LRCH2: variants seen among roughly 807,000 people sequenced by gnomAD.
LRCH2 encodes leucine-rich repeat and calponin homology domain-containing protein 2.
LRCH2 carries 38 observed loss-of-function variants against 68.9 expected under a neutral mutation model. The observed-to-expected ratio is 0.55, with a 90% CI of 0.43 to 0.72. The LOEUF (loss-of-function observed/expected upper bound fraction) is 0.72. Ranked by LOEUF, LRCH2 falls within the 30% of genes least tolerant of loss-of-function variation. LRCH2 has a pLI of 0.00. For synonymous variants in LRCH2, 191 were observed against 208.1 expected (o/e 0.92, Z 0.71); for missense variants, 528 against 572.9 (o/e 0.92, Z 0.80).
chrX:115,141,581 C>T (rs1467662074), intron 14 of LRCH2, among the ~76,000 whole-genome samples: 2 of 110,776 alleles, frequency 1.8e-5, no homozygotes, highest in African/African-American at 6.6e-5. Context: ...TTCCCCTAAG[C>T]AGTTCCCAGC....
intron 20 of LRCH2, among the ~76,000 whole-genome samples, chrX:115,121,481 G>A (rs1020312933): frequency 8.1e-5 from 9 of 110,606 alleles, no homozygotes; most frequent in Admixed American, 2.9e-4. Flanking sequence ...GTGAAACTCC[G>A]TCTCTATTAA....
intron 3 of LRCH2, among the ~76,000 whole-genome samples, chrX:115,180,108 T>C (rs1556551979): frequency 1.8e-5 from 2 of 111,531 alleles, no homozygotes; most frequent in African/African-American, 3.3e-5. Flanking sequence ...CTCTCAAACA[T>C]TGTGTAATCT....
chrX:115,185,357 T>C (rs1238715693), intron 2 of LRCH2, among the ~76,000 whole-genome samples: 1 of 111,814 alleles, frequency 8.9e-6, no homozygotes, highest in Non-Finnish European at 1.9e-5. Flanking sequence ...AGCTGTTAAA[T>C]GGGAGAGGCA....
intron 11 of LRCH2, among the ~76,000 whole-genome samples, chrX:115,158,737 T>A (rs1163276864): frequency 6.2e-5 from 7 of 112,023 alleles, no homozygotes; most frequent in Non-Finnish European, 1.1e-4. Context: ...CAGCGTAAGT[T>A]AGCAGGAACA....
rs782319087 is a variant in LRCH2, at chrX:115,189,745, G to A, written c.350-1375C>T. On this transcript the variant is annotated intron_variant, in intron 1 of 20. Coordinates refer to ENST00000317135, the MANE Select transcript of LRCH2 (RefSeq NM_020871.4). Reference sequence around the variant, plus strand: ...ATGGGTCCCGCCAACCCCCGGCAGCGGCAGTCGCTCAAGGTTCTCACACAG... The same window carrying A: ...ATGGGTCCCGCCAACCCCCGGCAGCAGCAGTCGCTCAAGGTTCTCACACAG... 286 of 1,165,719 alleles carry A rather than the reference G, an allele frequency of 2.5e-4. 1 individual carries two copies. Among genetic ancestry groups the A allele is most frequent in the Middle Eastern group, 4.6e-4 (2 of 4,304 alleles).
At chrX:115,213,662 T>C (rs2073022817) in intron 1 of LRCH2, among the ~76,000 whole-genome samples, 1 of 111,953 alleles carries the variant, frequency 8.9e-6, no homozygotes, top group Admixed American at 9.5e-5. Flanking sequence ...CTACTAAAAT[T>C]GTAGTTTCTA....
At chrX:115,167,240 A>C (rs2072570169) in intron 6 of LRCH2, among the ~76,000 whole-genome samples, 2 of 105,877 alleles carry the variant, frequency 1.9e-5, no homozygotes, top group South Asian at 8.3e-4. Context: ...AACAAAAAAA[A>C]ACTTTTTTTT....
At chrX:115,181,178 C>G (rs782713465) in intron 3 of LRCH2, among the ~76,000 whole-genome samples, 2 of 111,305 alleles carry the variant, frequency 1.8e-5, no homozygotes, top group East Asian at 5.7e-4. Flanking sequence ...AGCAAGGAAT[C>G]CAGTGTAACT....
At chrX:115,210,864 T>TA (rs1229819492) in intron 1 of LRCH2, among the ~76,000 whole-genome samples, 18 of 111,997 alleles carry the variant, frequency 1.6e-4, no homozygotes, top group Admixed American at 1.5e-3. Flanking sequence ...TCTGGAGCTT[T>TA]AAGATTTGAC....
At chrX:115,149,980 G>T (rs893074671) in intron 13 of LRCH2, 37 bp from the exon 14 acceptor site, 2 of 1,147,981 alleles carry the variant, frequency 1.7e-6, no homozygotes, top group Non-Finnish European at 2.3e-6. Flanking sequence ...AAATAAAAGA[G>T]AACAAAATGA....
At chrX:115,225,732 A>T (rs1208485755) in intron 1 of LRCH2, among the ~76,000 whole-genome samples, 2 of 111,572 alleles carry the variant, frequency 1.8e-5, no homozygotes, top group Admixed American at 1.9e-4. Flanking sequence ...AAACCCATAG[A>T]ATTCTATTTT....
rs5946293 is a variant in LRCH2 at position 115,184,315 on chromosome X, T to A, written c.621+96A>T. On this transcript the variant is annotated intron_variant, in intron 3 of 20. Coordinates refer to ENST00000317135, the MANE Select transcript of LRCH2 (RefSeq NM_020871.4). ...ACATATACCAAGTTAGTACTTTTTT[T>A]AAAAATTACAATTAAATTCCATTAA... 191 of 742,778 alleles carry A rather than the reference T, an allele frequency of 2.6e-4. 1 individual carries two copies. The highest frequency in any genetic ancestry group is 1.2e-3 in the South Asian group (27 of 21,616). The allele number at this position is 742,778 out of a possible 1,213,427, so 61.2% of individuals were successfully genotyped here.
intron 3 of LRCH2, among the ~76,000 whole-genome samples, chrX:115,181,617 T>A (rs2072692184): frequency 8.9e-6 from 1 of 112,015 alleles, no homozygotes; most frequent in Non-Finnish European, 1.9e-5. Flanking sequence ...CAGTTGATTA[T>A]CACATGATGT....
At chrX:115,181,095 G>C (rs781853367) in intron 3 of LRCH2, among the ~76,000 whole-genome samples, 1 of 111,262 alleles carries the variant, frequency 9.0e-6, no homozygotes, top group Non-Finnish European at 1.9e-5. Context: ...ATATAAGAAA[G>C]GAATATTCCA....
At chrX:115,212,904 T>C (rs903522575) in intron 1 of LRCH2, among the ~76,000 whole-genome samples, 2 of 108,667 alleles carry the variant, frequency 1.8e-5, no homozygotes, top group Non-Finnish European at 3.8e-5. Flanking sequence ...CCTGGGGAGG[T>C]TGAGGCTGTG....
At chrX:115,131,299 C>T (rs2072243087) in intron 14 of LRCH2, among the ~76,000 whole-genome samples, 1 of 105,057 alleles carries the variant, frequency 9.5e-6, no homozygotes, top group African/African-American at 3.5e-5. Flanking sequence ...TGTTCCCCAC[C>T]CTGTGTCCAA....
At chrX:115,157,819 G>A (rs1483410986) in intron 11 of LRCH2, among the ~76,000 whole-genome samples, 1 of 109,616 alleles carries the variant, frequency 9.1e-6, no homozygotes, top group Non-Finnish European at 1.9e-5. Context: ...ATTATTGCAG[G>A]GGAGGGGACT....
chrX:115,125,148 T>C (rs781982009), intron 16 of LRCH2, among the ~76,000 whole-genome samples: 2 of 109,191 alleles, frequency 1.8e-5, no homozygotes, highest in East Asian at 5.7e-4. Context: ...AACTCACACC[T>C]GTAATCTCAA....
At chrX:115,188,045 A>G (rs1229533076) in intron 2 of LRCH2, among the ~76,000 whole-genome samples, 181 bp downstream of exon 2, 1 of 112,420 alleles carries the variant, frequency 8.9e-6, no homozygotes, top group African/African-American at 3.2e-5. Flanking sequence ...AAGTTTGCTA[A>G]GCTCTGCTCT....
Sources: gnomAD v4.1 joint callset for allele counts (sites outside exome capture counted in the v4.1 genomes callset) on GRCh38, gnomAD v4.1.1 for gene constraint, MANE v1.5 for transcripts, NCBI Gene and HGNC (gene_info 2026-07-23, HGNC 2026-07-21) for gene names.